The following KCTD8 variants were observed in gnomAD, a reference collection of about 807,000 sequenced individuals.
The protein encoded by KCTD8 is potassium channel tetramerization domain containing 8.
In KCTD8, 27 loss-of-function variants were observed where a neutral mutation model predicts 31.5. That is an observed-to-expected ratio of 0.86 (90% confidence interval 0.63 to 1.18). The LOEUF is 1.18. Among genes scored for constraint, KCTD8 ranks in the 50% most tolerant of loss-of-function variants. KCTD8 has a pLI of 0.00. For missense variants in KCTD8, 658 were observed against 647.7 expected (o/e 1.02, Z -0.17); for synonymous variants, 290 against 280.0 (o/e 1.04, Z -0.36).
intron 1 of KCTD8, among the ~76,000 whole-genome samples, chr4:44,316,356 T>C (rs1166323266): frequency 1.3e-5 from 2 of 152,072 alleles, no homozygotes; most frequent in South Asian, 4.1e-4. Context: ...GTTTCTTTTG[T>C]TTTGTTTTTT....
intron 1 of KCTD8, among the ~76,000 whole-genome samples, chr4:44,399,074 G>A (rs1157425178): frequency 2.0e-5 from 3 of 152,130 alleles, no homozygotes; most frequent in Admixed American, 6.5e-5. Flanking sequence ...AACCAAATTT[G>A]GGCACTATGA....
At chr4:44,292,245 T>C (rs1717302389) in intron 1 of KCTD8, among the ~76,000 whole-genome samples, 1 of 152,092 alleles carries the variant, frequency 6.6e-6, no homozygotes, top group Admixed American at 6.6e-5. Context: ...GACAGTGGAC[T>C]GCATAAAGAA....
chr4:44,448,676 G>A lies in KCTD8; in HGVS notation c.-153C>T, dbSNP rs772448954. ...GGGGCGGCCCCGCTCAGGGTTCGGG[G>A]CAGCGGCGGCGTCGGCGGCGCCCGA... On this transcript the variant is annotated 5_prime_UTR_variant, in exon 1 of 2. Transcript: ENST00000360029. This position sits in a 1 kb window ranked among gnomAD's most constrained non-coding sequence, Gnocchi z 4.1. 485 of 785,644 alleles carry A rather than the reference G, an allele frequency of 6.2e-4. 1 individual carries two copies. The highest frequency in any genetic ancestry group is 7.3e-4 in the Non-Finnish European group (422 of 580,126). The allele number at this position is 785,644 out of a possible 1,614,324, so 48.7% of individuals were successfully genotyped here. A position where few individuals can be genotyped will look rare whatever the true frequency, so the allele number is the denominator to read the frequency against.
Position 44,448,096 on chromosome 4 carries a change from A to G in KCTD8, c.428T>C (p.Val143Ala). The G allele has an allele frequency of 3.7e-6, 6 of 1,612,130 alleles. No individual in the cohort carries two copies. The highest frequency in any genetic ancestry group is 5.1e-6 in the Non-Finnish European group (6 of 1,179,730). The change falls in exon 1 of 2, where the codon GTC becomes GCC. Residue 143 changes from valine to alanine, a missense_variant. By Grantham distance (64) the Val-to-Ala change is moderately conservative (BLOSUM62 0). Coordinates refer to ENST00000360029, the MANE Select transcript of KCTD8 (RefSeq NM_198353.3). The surrounding 1 kb of genome is among the most constrained non-coding windows in gnomAD (Gnocchi z 4.1). ...GGTGACCTTGGGCGACAGCAGCTTG[A>G]CCAAGTCGGTGAGCTGGAAATACTC... ...EAEYFQLTDL[V>A]KLLSPKVTKQ...
At chr4:44,332,413 G>T (rs1326273177) in intron 1 of KCTD8, among the ~76,000 whole-genome samples, 3 of 151,924 alleles carry the variant, frequency 2.0e-5, no homozygotes, top group East Asian at 3.9e-4. Flanking sequence ...TCAAGTACTT[G>T]CATTTATAAA....
At chr4:44,200,637 G>C (rs1194532970) in intron 1 of KCTD8, among the ~76,000 whole-genome samples, 2 of 151,984 alleles carry the variant, frequency 1.3e-5, no homozygotes. Flanking sequence ...CAACAGGCTA[G>C]GCATTGAAGA....
At chr4:44,439,865 G>T (rs1721771198) in intron 1 of KCTD8, among the ~76,000 whole-genome samples, 1 of 151,224 alleles carries the variant, frequency 6.6e-6, no homozygotes, top group African/African-American at 2.4e-5. Flanking sequence ...GTTAATTTTT[G>T]ATCCCTTACA....
chr4:44,196,457 T>C, intron 1 of KCTD8, among the ~76,000 whole-genome samples: 1 of 152,230 alleles, frequency 6.6e-6, no homozygotes, highest in East Asian at 1.9e-4. Context: ...ATTTAAAACC[T>C]TTCTTGGAGA....
At chr4:44,260,051 A>T (rs1038315189) in intron 1 of KCTD8, among the ~76,000 whole-genome samples, 9 of 151,942 alleles carry the variant, frequency 5.9e-5, no homozygotes, top group African/African-American at 2.2e-4. Flanking sequence ...AAATGAAAAC[A>T]ATGAATTGTA....
intron 1 of KCTD8, among the ~76,000 whole-genome samples, chr4:44,301,362 A>G (rs1717615463): frequency 6.6e-6 from 1 of 152,140 alleles, no homozygotes; most frequent in Admixed American, 6.5e-5. Flanking sequence ...AGTTCTCCAC[A>G]TCCTCTCCAG....
At chr4:44,414,611 G>T (rs990379452) in intron 1 of KCTD8, among the ~76,000 whole-genome samples, 68 of 152,272 alleles carry the variant, frequency 4.5e-4, no homozygotes, top group Non-Finnish European at 7.5e-4. Flanking sequence ...CTGGTATCCA[G>T]CTATAATCCC....
At chr4:44,271,444 A>G (rs935810992) in intron 1 of KCTD8, among the ~76,000 whole-genome samples, 16 of 152,128 alleles carry the variant, frequency 1.1e-4, no homozygotes, top group Admixed American at 9.8e-4. Flanking sequence ...TCAAATCTCA[A>G]TGTCACAGTT....
intron 1 of KCTD8, among the ~76,000 whole-genome samples, chr4:44,256,238 C>T (rs1715987671): frequency 6.6e-6 from 1 of 151,894 alleles, no homozygotes. Flanking sequence ...GGTGGGGACG[C>T]AGCCAAACCA....
In KCTD8 at chr4:44,448,476, A is replaced by T. The variant is rs763974916; in HGVS notation, c.48T>A (p.Ile16=). The change falls in exon 1 of 2, where the codon ATT becomes ATA. Residue 16 remains isoleucine (I), a synonymous_variant. Transcript: ENST00000360029. The surrounding 1 kb of genome is among the most constrained non-coding windows in gnomAD (Gnocchi z 4.1). ...AGCTGGACGAGGAAACCATCTCGCT[A>T]ATGGGCAGGATGGTGCTGCCGCCGC... The part of the protein sequence containing the change: ...TGSGGSTILP[I]SEMVSSSSSP... The T allele has an allele frequency of 6.5e-7, 1 of 1,537,804 alleles. No homozygotes were observed. Among genetic ancestry groups the T allele is most frequent in the Non-Finnish European group, 8.7e-7 (1 of 1,150,800 alleles).
At chr4:44,253,995 A>T (rs1304233696) in intron 1 of KCTD8, among the ~76,000 whole-genome samples, 1 of 151,886 alleles carries the variant, frequency 6.6e-6, no homozygotes, top group South Asian at 2.1e-4. Flanking sequence ...TATTAGGGAC[A>T]GTAAAAAAGG....
rs552965034 is a variant in KCTD8 at position 44,232,511 on chromosome 4, C to T, written c.962-57261G>A. The stretch of plus-strand genomic sequence containing the variant: ...GGCTATACAAGTCATTAGAGCACTT[C>T]GGTTTTCAAGGTAGCTGCATAGCCT... On this transcript the variant is annotated intron_variant, in intron 1 of 1. Coordinates refer to ENST00000360029, the MANE Select transcript of KCTD8 (RefSeq NM_198353.3). 4.6e-5 allele frequency among the ~76,000 whole-genome samples: 7 copies of T among 152,076 alleles called. 1 individual carries two copies. The South Asian group carries it at 8.3e-4, about 18-fold the overall frequency.
chr4:44,417,065 T>C (rs1289131916), intron 1 of KCTD8, among the ~76,000 whole-genome samples: 2 of 152,194 alleles, frequency 1.3e-5, no homozygotes, highest in Non-Finnish European at 1.5e-5. Context: ...GTTAAGTAAC[T>C]TGTTCAAGGT....
At chr4:44,186,074 A>G (rs980485883) in intron 1 of KCTD8, among the ~76,000 whole-genome samples, 7 of 152,158 alleles carry the variant, frequency 4.6e-5, no homozygotes, top group Non-Finnish European at 1.0e-4. Context: ...CTGGCCTGTC[A>G]CGCCCCAATC....
At chr4:44,303,804 C>A (rs1176347351) in intron 1 of KCTD8, among the ~76,000 whole-genome samples, 3 of 151,650 alleles carry the variant, frequency 2.0e-5, no homozygotes. Context: ...CAGAGTGAGA[C>A]CCTGTCTGAG....
Sources: allele counts gnomAD v4.1 joint callset (sites outside exome capture counted in the v4.1 genomes callset), GRCh38; gene constraint gnomAD v4.1.1; non-coding constraint Gnocchi (gnomAD v3.1); transcripts MANE v1.5; gene names NCBI Gene and HGNC (gene_info 2026-07-23, HGNC 2026-07-21).